Variants in SDK1 observed in about 807,000 individuals in gnomAD.
The protein encoded by SDK1 is sidekick cell adhesion molecule 1, also known as protein sidekick-1.
SDK1 carries 157 observed loss-of-function variants against 245.5 expected under a neutral mutation model. The ratio of observed to expected loss-of-function variants is 0.64; its 90% CI spans 0.56 to 0.73. The LOEUF is 0.73. Among genes scored for constraint, SDK1 ranks in the 30% least tolerant of loss-of-function variants. The probability of loss-of-function intolerance (pLI) is 0.00; values close to 1 mark genes in which losing one functional copy is unlikely to be tolerated. For missense variants in SDK1, 3,583 were observed against 3,002.3 expected (o/e 1.19, Z -4.52); for synonymous variants, 1,647 against 1,278.5 (o/e 1.29, Z -6.15).
At chr7:3,592,460 C>T (rs995370758) in intron 1 of SDK1, among the ~76,000 whole-genome samples, 1 of 152,252 alleles carries the variant, frequency 6.6e-6, no homozygotes, top group African/African-American at 2.4e-5. Flanking sequence ...AATTATCACT[C>T]TGCTCACTGC....
chr7:3,485,827 C>A (rs936344867), intron 1 of SDK1, among the ~76,000 whole-genome samples: 2 of 151,260 alleles, frequency 1.3e-5, no homozygotes, highest in African/African-American at 2.4e-5. Flanking sequence ...ATGAATCCAA[C>A]TATGGTGGCT....
intron 1 of SDK1, among the ~76,000 whole-genome samples, chr7:3,447,012 G>A (rs1427760617): frequency 3.9e-5 from 6 of 152,142 alleles, no homozygotes; most frequent in Non-Finnish European, 7.3e-5. Flanking sequence ...ATCATGATGT[G>A]CAGTGGGCTT....
chr7:4,196,321 G>A (rs959440427), intron 35 of SDK1, among the ~76,000 whole-genome samples: 1 of 152,148 alleles, frequency 6.6e-6, no homozygotes, highest in Non-Finnish European at 1.5e-5. Flanking sequence ...GAGCTCCTCC[G>A]GGCTGGGTCC....
At chr7:3,734,640 C>A (rs181467745) in intron 4 of SDK1, among the ~76,000 whole-genome samples, 1 of 152,136 alleles carries the variant, frequency 6.6e-6, no homozygotes, top group African/African-American at 2.4e-5. Flanking sequence ...ATGAAATAAC[C>A]ATTAATTAAA....
intron 4 of SDK1, among the ~76,000 whole-genome samples, chr7:3,811,269 G>A (rs761786895): frequency 6.6e-6 from 1 of 152,158 alleles, no homozygotes; most frequent in Non-Finnish European, 1.5e-5. Flanking sequence ...GCCAGATCCA[G>A]TTCCACTTCT....
intron 16 of SDK1, 40 bp downstream of exon 16, chr7:4,012,275 G>C (rs1583825281): frequency 7.0e-7 from 1 of 1,438,390 alleles, no homozygotes; most frequent in East Asian, 2.7e-5. Context: ...GCCGCCATTA[G>C]AGTTGAGCGT....
intron 1 of SDK1, among the ~76,000 whole-genome samples, chr7:3,594,614 T>C (rs756349240): frequency 1.1e-4 from 16 of 152,326 alleles, no homozygotes; most frequent in South Asian, 6.2e-4. Context: ...ATTGTTTGTC[T>C]TTTTGATTCT....
At chr7:3,598,984 G>T (rs78884281) in intron 1 of SDK1, among the ~76,000 whole-genome samples, 1 of 152,078 alleles carries the variant, frequency 6.6e-6, no homozygotes, top group East Asian at 1.9e-4. Context: ...AACAGTTGCT[G>T]GGTTGCATGG....
chr7:3,503,091 G>A (rs1039795072), intron 1 of SDK1, among the ~76,000 whole-genome samples: 1 of 152,132 alleles, frequency 6.6e-6, no homozygotes, highest in Non-Finnish European at 1.5e-5. Flanking sequence ...AATTAAAATT[G>A]TATGGAGACA....
At chr7:3,528,974 G>A (rs1041333122) in intron 1 of SDK1, among the ~76,000 whole-genome samples, 1 of 152,130 alleles carries the variant, frequency 6.6e-6, no homozygotes, top group African/African-American at 2.4e-5. Context: ...GGGGCACTGG[G>A]ACTGAGCCAG....
intron 4 of SDK1, among the ~76,000 whole-genome samples, chr7:3,774,667 G>C (rs573688039): frequency 3.3e-5 from 5 of 152,104 alleles, no homozygotes; most frequent in African/African-American, 1.2e-4. Context: ...CAGACTCCTG[G>C]TTCTCTCTCC....
chr7:3,985,030 C>G (rs573853047), intron 13 of SDK1, among the ~76,000 whole-genome samples: 37 of 152,304 alleles, frequency 2.4e-4, no homozygotes, highest in Admixed American at 7.8e-4. Context: ...GTCCCCAGCC[C>G]CCTCCACTCC....
chr7:4,008,692 G>T (rs1394006334), intron 14 of SDK1, among the ~76,000 whole-genome samples: 1 of 152,180 alleles, frequency 6.6e-6, no homozygotes, highest in Non-Finnish European at 1.5e-5. Flanking sequence ...TGGCATGCCT[G>T]GGCATCTAAC....
chr7:3,783,741 G>T (rs1780819935), intron 4 of SDK1, among the ~76,000 whole-genome samples: 1 of 152,120 alleles, frequency 6.6e-6, no homozygotes, highest in South Asian at 2.1e-4. Flanking sequence ...TTATGTTGAT[G>T]GATTGGAAGA....
At chr7:3,642,712 C>G (rs1232552150) in intron 4 of SDK1, 2 of 152,152 alleles carry the variant, frequency 1.3e-5, no homozygotes, top group African/African-American at 4.8e-5. Flanking sequence ...TTATCTAATG[C>G]CCGACAGGTT....
At position 4,127,391 on chromosome 7, in the gene SDK1, C is replaced by T. The variant is rs57371627; in HGVS notation, c.3834C>T (p.Ala1278=). The T allele has an allele frequency of 7.3e-4, 1,182 of 1,613,926 alleles. 9 individuals are homozygous for T. The African/African-American group carries it at 0.013, about 18-fold the overall frequency. ...RGRTRESVPS[A]APENVSAEAV... ...ATTGGTTCTTTGCAGTTCCTTCAGCCGCCCCTGAGAACGTGTCAGCCGAGG... is the reference window on the plus strand; with the variant it reads ...ATTGGTTCTTTGCAGTTCCTTCAGCTGCCCCTGAGAACGTGTCAGCCGAGG... The change falls in exon 26 of 45, where the codon GCC becomes GCT. Residue 1278 remains alanine, a synonymous_variant. Coordinates refer to ENST00000404826, the MANE Select transcript of SDK1 (RefSeq NM_152744.4).
intron 34 of SDK1, among the ~76,000 whole-genome samples, chr7:4,177,099 C>A (rs1041492842): frequency 2.6e-5 from 4 of 152,234 alleles, no homozygotes; most frequent in Admixed American, 2.0e-4. Flanking sequence ...GAGTGATTTG[C>A]AGGGCAGCAC....
chr7:3,714,573 A>G (rs933749953), intron 4 of SDK1, among the ~76,000 whole-genome samples: 1 of 152,232 alleles, frequency 6.6e-6, no homozygotes, highest in African/African-American at 2.4e-5. Flanking sequence ...TATTAGCATT[A>G]CTACATTGTA....
rs148071196 is a variant in SDK1 at position 3,520,040 on chromosome 7, A to G, written c.299-99040A>G. ...GAGCACATTCTGCATTTGGGAAAGAAAGGTTATTTAAAGTTGTTCTTATTA... is the reference window on the plus strand; with the variant it reads ...GAGCACATTCTGCATTTGGGAAAGAGAGGTTATTTAAAGTTGTTCTTATTA... On this transcript the variant is annotated intron_variant, in intron 1 of 44. Coordinates refer to ENST00000404826, the MANE Select transcript of SDK1 (RefSeq NM_152744.4). Among the ~76,000 whole-genome samples the G allele has an allele frequency of 2.6e-5, 4 of 152,282 alleles. No homozygotes were observed. In the East Asian group the frequency reaches 7.7e-4, roughly 29 times the overall value.
Sources: gnomAD v4.1 joint callset for allele counts (sites outside exome capture counted in the v4.1 genomes callset) on GRCh38, gnomAD v4.1.1 for gene constraint, MANE v1.5 for transcripts, NCBI Gene and HGNC (gene_info 2026-07-23, HGNC 2026-07-21) for gene names.